EYS: variants seen among roughly 807,000 people sequenced by gnomAD.
The protein encoded by EYS is protein eyes shut homolog.
EYS carries 250 observed loss-of-function variants against 282.1 expected under a neutral mutation model. The ratio of observed to expected loss-of-function variants is 0.89; its 90% CI spans 0.80 to 0.98. The LOEUF is 0.98. Among genes scored for constraint, EYS ranks in the 50% least tolerant of loss-of-function variants. The pLI is 0.00. For synonymous variants in EYS, 1,355 were observed against 1,282.9 expected (o/e 1.06, Z -1.20); for missense variants, 4,016 against 3,709.0 (o/e 1.08, Z -2.15).
chr6:63,880,172 T>C (rs1773088486), intron 35 of EYS, among the ~76,000 whole-genome samples: 1 of 152,146 alleles, frequency 6.6e-6, no homozygotes, highest in African/African-American at 2.4e-5. Context: ...CCAAAGGACA[T>C]TAACATTTGA....
chr6:65,647,048 T>C (rs1767476652), intron 1 of EYS, among the ~76,000 whole-genome samples: 1 of 152,088 alleles, frequency 6.6e-6, no homozygotes, highest in African/African-American at 2.4e-5. Flanking sequence ...TCCATGCTCA[T>C]CTCATGGGTA....
chr6:64,997,707 G>GCTTTTTAT lies in EYS; in HGVS notation c.2138-5_2138-4insATAAAAAG. ...AAGCAGGAAAAGCCATCAACCACTGGAAACAACAGAAAAGAGAAAACTCTT... is the reference window on the plus strand; with the variant it reads ...AAGCAGGAAAAGCCATCAACCACTGGCTTTTTATAAACAACAGAAAAGAGAAAACTCTT... On this transcript the variant is annotated splice_polypyrimidine_tract_variant and splice_region_variant and intron_variant, in intron 13 of 42. Coordinates refer to ENST00000503581, the MANE Select transcript of EYS (RefSeq NM_001142800.2). 6.5e-7 allele frequency: 1 copy of GCTTTTTAT among 1,550,080 alleles called. No individual in the cohort carries two copies. The highest frequency in any genetic ancestry group is 8.7e-7 in the Non-Finnish European group (1 of 1,145,998).
chr6:63,917,448 C>T (rs72872881), intron 35 of EYS, among the ~76,000 whole-genome samples: 1,712 of 152,316 alleles, frequency 0.011, 18 homozygotes, highest in Middle Eastern at 0.017. Flanking sequence ...TTGGCATTTT[C>T]CTCTGTTCAT....
chr6:64,353,012 A>G (rs1771695973), intron 29 of EYS, among the ~76,000 whole-genome samples: 1 of 151,568 alleles, frequency 6.6e-6, no homozygotes, highest in Non-Finnish European at 1.5e-5. Context: ...GACTATAGAC[A>G]GATGGCTGAA....
chr6:65,570,479 CAG>C (rs1190389413), intron 2 of EYS, among the ~76,000 whole-genome samples: 2 of 152,084 alleles, frequency 1.3e-5, no homozygotes, highest in African/African-American at 4.8e-5. Flanking sequence ...ATGAAAAATG[CAG>C]AGTTACTATC....
chr6:65,521,247 G>A (rs574659491), intron 2 of EYS, among the ~76,000 whole-genome samples: 93 of 152,218 alleles, frequency 6.1e-4, no homozygotes, highest in African/African-American at 2.1e-3. Context: ...AATCACTGCA[G>A]TACTTAAGTA....
intron 31 of EYS, among the ~76,000 whole-genome samples, chr6:64,195,487 G>C (rs1023607464): frequency 6.6e-6 from 1 of 152,092 alleles, no homozygotes; most frequent in African/African-American, 2.4e-5. Context: ...AGTTTTAGTA[G>C]AGACGGGGTT....
At chr6:64,019,031 T>C (rs1207794804) in intron 33 of EYS, among the ~76,000 whole-genome samples, 2 of 152,124 alleles carry the variant, frequency 1.3e-5, no homozygotes, top group African/African-American at 4.8e-5. Context: ...CACCTTGGCC[T>C]CCCAAAGTGC....
chr6:65,114,462 ATT>A lies in EYS; in HGVS notation c.2024-56737_2024-56736del, dbSNP rs5876942. On this transcript the variant is annotated intron_variant, in intron 12 of 42. Coordinates refer to ENST00000503581, the MANE Select transcript of EYS (RefSeq NM_001142800.2). Reference sequence around the variant, plus strand: ...ACATTTGGGTAATCTTTCCAAACTAATTTTTTTTTTTTAAATTTCTCCATCTC... The same window carrying A: ...ACATTTGGGTAATCTTTCCAAACTAATTTTTTTTTTAAATTTCTCCATCTC... 1.8e-4 allele frequency among the ~76,000 whole-genome samples: 27 copies of A among 148,540 alleles called. 1 individual carries two copies. Among genetic ancestry groups the A allele is most frequent in the African/African-American group, 4.4e-4 (18 of 40,692 alleles).
chr6:65,002,673 T>G (rs9354200), intron 13 of EYS, among the ~76,000 whole-genome samples: 11,477 of 147,590 alleles, frequency 0.078, 1,784 homozygotes, highest in East Asian at 0.17. Flanking sequence ...GTTTTATATG[T>G]AATTTTAACT....
chr6:63,911,181 T>C (rs960362759), intron 35 of EYS, among the ~76,000 whole-genome samples: 2 of 151,980 alleles, frequency 1.3e-5, no homozygotes, highest in African/African-American at 4.8e-5. Flanking sequence ...TGCAGTCGCT[T>C]TTCCCACAAA....
At position 64,864,385 on chromosome 6, in the gene EYS, CTTTTTTTTTT is replaced by C. The variant is rs769240399; in HGVS notation, c.2992+22302_2992+22311del. On this transcript the variant is annotated intron_variant, in intron 19 of 42. Transcript: ENST00000503581. ...GAGAAATACAGAGGTGCTATACCTT[CTTTTTTTTTT>C]TTTTTTTTTTTGACAGAATCTTGCT... Among the ~76,000 whole-genome samples, 238 of 57,200 alleles carry C rather than the reference CTTTTTTTTTT, an allele frequency of 4.2e-3. 15 individuals carry two copies. The highest frequency in any genetic ancestry group is 0.013 in the African/African-American group (222 of 17,122). 37.5% of individuals were successfully genotyped at this position (57,200 alleles called of 152,430 possible).
In EYS at chr6:65,583,819, A is replaced by G. The variant is rs1004140547; in HGVS notation, c.-333+55959T>C. 3.9e-5 allele frequency among the ~76,000 whole-genome samples: 6 copies of G among 152,150 alleles called. No homozygotes were observed. The East Asian group carries it at 7.7e-4, about 20-fold the overall frequency. ...TTCACAGTTTACATGAGTGGACAAT[A>G]TTATATTTGGTTTTATGTTTTACAC... is the stretch of plus-strand genomic sequence containing the variant. On this transcript the variant is annotated intron_variant, in intron 2 of 42. Transcript: ENST00000503581.
chr6:65,391,923 C>T (rs1459006945), intron 7 of EYS, among the ~76,000 whole-genome samples: 1 of 152,126 alleles, frequency 6.6e-6, no homozygotes, highest in Non-Finnish European at 1.5e-5. Flanking sequence ...TCAAACTATA[C>T]TACAAGGCTA....
intron 36 of EYS, among the ~76,000 whole-genome samples, chr6:63,810,133 C>T (rs536456919): frequency 6.0e-5 from 9 of 150,844 alleles, no homozygotes; most frequent in South Asian, 4.2e-4. Context: ...TGGTGGCACG[C>T]GCCTGTAGTC....
intron 11 of EYS, among the ~76,000 whole-genome samples, chr6:65,317,254 A>G (rs1296003774): frequency 6.6e-6 from 1 of 152,146 alleles, no homozygotes; most frequent in Non-Finnish European, 1.5e-5. Context: ...TTGATTTTCT[A>G]CTTAAATCTA....
chr6:64,987,834 T>C (rs1583363936), intron 14 of EYS, among the ~76,000 whole-genome samples: 1 of 151,674 alleles, frequency 6.6e-6, no homozygotes, highest in East Asian at 1.9e-4. Flanking sequence ...GTAATAAGAA[T>C]TTAAAAAAGC....
intron 30 of EYS, among the ~76,000 whole-genome samples, chr6:64,234,816 C>T (rs1200531613): frequency 4.6e-5 from 7 of 151,702 alleles, no homozygotes; most frequent in Non-Finnish European, 7.4e-5. Context: ...TTTGGACTGG[C>T]TTTTTCATTT....
chr6:65,082,188 T>C (rs552434946), intron 12 of EYS, among the ~76,000 whole-genome samples: 66 of 152,090 alleles, frequency 4.3e-4, no homozygotes, highest in Non-Finnish European at 7.1e-4. Flanking sequence ...ATAAATGATC[T>C]AACCTAGTCA....
Sources: gnomAD v4.1 joint callset for allele counts (sites outside exome capture counted in the v4.1 genomes callset) on GRCh38, gnomAD v4.1.1 for gene constraint, MANE v1.5 for transcripts, NCBI Gene and HGNC (gene_info 2026-07-23, HGNC 2026-07-21) for gene names.